The following MYH11 variants were observed in gnomAD, a reference collection of about 807,000 sequenced individuals.
The protein encoded by MYH11 is myosin heavy chain 11.
In MYH11, 80 loss-of-function variants were observed where a neutral mutation model predicts 246.6. The observed-to-expected ratio is 0.32, with a 90% CI of 0.27 to 0.39. The LOEUF is 0.39. Ranked by LOEUF, MYH11 falls within the 10% of genes least tolerant of loss-of-function variation. The pLI is 1.00. For synonymous variants in MYH11, 1,071 were observed against 1,015.5 expected (o/e 1.05, Z -1.04); for missense variants, 2,158 against 2,546.8 (o/e 0.85, Z 3.29).
Position 15,763,837 on chromosome 16 carries a change from T to C in MYH11, c.1088A>G (p.Lys363Arg). 6.2e-7 allele frequency: 1 copy of C among 1,602,326 alleles called. No individual in the cohort carries two copies. The highest frequency in any genetic ancestry group is 1.1e-5 in the South Asian group (1 of 90,696). The change falls in exon 10 of 41, where the codon AAG (lysine) becomes AGG (arginine). Residue 363 changes from lysine to arginine, a missense_variant. Physicochemically the swap from Lys to Arg is conservative, Grantham distance 26. Around this residue, in one of 11 missense-constraint regions of MYH11, gnomAD observed 317 missense variants for 507.7 expected, o/e 0.62. Coordinates refer to ENST00000300036, the MANE Select transcript of MYH11 (RefSeq NM_002474.3). ...VLQLGNIVFK[K>R]ERNTDQASMP... ...GGACGCCTGGTCTGTGTTTCTTTCCTTCTTGAAGACGATATTTCCAAGCTG... is the reference window on the plus strand; with the variant it reads ...GGACGCCTGGTCTGTGTTTCTTTCCCTCTTGAAGACGATATTTCCAAGCTG...
chr16:15,718,340 T>C lies in MYH11; in HGVS notation c.5270A>G (p.Asp1757Gly). The C allele has an allele frequency of 6.2e-7, 1 of 1,609,162 alleles. No individual in the cohort carries two copies. Among genetic ancestry groups the C allele is most frequent in the Non-Finnish European group, 8.5e-7 (1 of 1,179,940 alleles). ...EEQGNMEAMS[D>G]RVRKATQQAE... Reference sequence around the variant, plus strand: ...CTGCTGTGTGGCTTTGCGGACCCGGTCGCTCATGGCCTCCATGTTGCCCTG... The same window carrying C: ...CTGCTGTGTGGCTTTGCGGACCCGGCCGCTCATGGCCTCCATGTTGCCCTG... Residue 1757 changes from aspartate to glycine, a missense_variant, in exon 37 of 41, where the codon GAC (aspartate) becomes GGC (glycine). Coordinates refer to ENST00000300036, the MANE Select transcript of MYH11 (RefSeq NM_002474.3).
intron 3 of MYH11, among the ~76,000 whole-genome samples, chr16:15,804,775 T>A (rs1308847139): frequency 6.6e-6 from 1 of 152,238 alleles, no homozygotes; most frequent in East Asian, 1.9e-4. Flanking sequence ...CGGCCTTTCA[T>A]GTCTGACTTC....
In MYH11 at chr16:15,745,068, C is replaced by T. The variant is rs971404495; in HGVS notation, c.2520+61G>A. ...CCACCTCCTGTCCCAAATGTGAAGG[C>T]TCCAGAGTGAAGAAGCAGGGCTGGG... is the stretch of plus-strand genomic sequence containing the variant. On this transcript the variant is annotated intron_variant, in intron 20 of 40. Coordinates refer to ENST00000300036, the MANE Select transcript of MYH11 (RefSeq NM_002474.3). The T allele has an allele frequency of 7.0e-6, 9 of 1,282,180 alleles. 1 individual carries two copies. In the African/African-American group the frequency reaches 7.2e-5, roughly 10 times the overall value. The allele number at this position is 1,282,180 out of a possible 1,614,324, so 79.4% of individuals were successfully genotyped here.
At chr16:15,728,098 G>A (rs753443117) in intron 27 of MYH11, among the ~76,000 whole-genome samples, 12 of 151,974 alleles carry the variant, frequency 7.9e-5, no homozygotes, top group Non-Finnish European at 1.0e-4. Context: ...GCATGGTGGC[G>A]CACGCCTGTA....
chr16:15,766,384 TGTGTGA>T (rs201872364), intron 9 of MYH11, among the ~76,000 whole-genome samples: 15,072 of 134,912 alleles, frequency 0.11, 977 homozygotes, highest in Non-Finnish European at 0.15. Context: ...TGTGTGTGTG[TGTGTGA>T]GACTGAGTCT....
At chr16:15,764,524 A>T (rs2041939391) in intron 9 of MYH11, among the ~76,000 whole-genome samples, 1 of 152,136 alleles carries the variant, frequency 6.6e-6, no homozygotes, top group Non-Finnish European at 1.5e-5. Context: ...CAAATACCGA[A>T]CAAAAGAGGA....
intron 10 of MYH11, among the ~76,000 whole-genome samples, chr16:15,761,287 T>C (rs2151279514): frequency 6.6e-6 from 1 of 152,150 alleles, no homozygotes; most frequent in Non-Finnish European, 1.5e-5. Context: ...ATTTCTTTTG[T>C]ATTTTAGTTG....
At chr16:15,834,252 C>T (rs1019193345) in intron 2 of MYH11, among the ~76,000 whole-genome samples, 4 of 152,058 alleles carry the variant, frequency 2.6e-5, no homozygotes, top group African/African-American at 9.6e-5. Flanking sequence ...ACTGGCTGGG[C>T]GTGGTGGTTC....
At chr16:15,738,763 T>C (rs2041194295) in intron 23 of MYH11, 75 bp from the exon 24 acceptor site, 3 of 1,539,020 alleles carry the variant, frequency 1.9e-6, no homozygotes, top group Non-Finnish European at 1.8e-6. Context: ...TTTTAGTGAT[T>C]TCCATGTAAA....
At chr16:15,850,073 T>C (rs2044291287) in intron 1 of MYH11, among the ~76,000 whole-genome samples, 1 of 152,234 alleles carries the variant, frequency 6.6e-6, no homozygotes, top group Non-Finnish European at 1.5e-5. Flanking sequence ...TCTTGCCCTC[T>C]CTGCTTCAGC....
chr16:15,796,905 G>A (rs568110488), intron 4 of MYH11, among the ~76,000 whole-genome samples: 1 of 152,286 alleles, frequency 6.6e-6, no homozygotes, highest in African/African-American at 2.4e-5. Flanking sequence ...TAGCTAGGTA[G>A]CATTATATCT....
rs998360802 is a variant in MYH11, at chr16:15,773,850, A to G, written c.890-2138T>C. On this transcript the variant is annotated intron_variant, in intron 8 of 40. Coordinates refer to ENST00000300036, the MANE Select transcript of MYH11 (RefSeq NM_002474.3). ...ACTCCCTTTTTATGACATTAATTAG[A>G]TATTCTGTGTCAAACTGTATCCTAT... is the stretch of plus-strand genomic sequence containing the variant. Among the ~76,000 whole-genome samples the G allele has an allele frequency of 2.6e-5, 4 of 152,198 alleles. No homozygotes were observed. In the East Asian group the frequency reaches 7.7e-4, roughly 29 times the overall value.
Position 15,715,054 on chromosome 16 carries a change from G to T in MYH11, c.5641C>A (p.Gln1881Lys), listed in dbSNP as rs745941067. The part of the protein sequence containing the change: ...QAEKGNARVK[Q>K]LKRQLEEAEE... ...GCCTCCTCCAGCTGCCTCTTGAGCTGCTTGACCCTGGCATTGCCTTTCTCT... is the reference window on the plus strand; with the variant it reads ...GCCTCCTCCAGCTGCCTCTTGAGCTTCTTGACCCTGGCATTGCCTTTCTCT... Residue 1881 changes from glutamine to lysine, a missense_variant, in exon 40 of 41, where the codon CAG becomes AAG. By Grantham distance (53) the Gln-to-Lys change is moderately conservative (BLOSUM62 1). Coordinates refer to ENST00000300036, the MANE Select transcript of MYH11 (RefSeq NM_002474.3). The T allele has an allele frequency of 5.6e-6, 9 of 1,613,362 alleles. No homozygotes were observed. Among genetic ancestry groups the T allele is most frequent in the Non-Finnish European group, 7.6e-6 (9 of 1,180,026 alleles).
At chr16:15,834,062 T>C (rs1420623002) in intron 2 of MYH11, among the ~76,000 whole-genome samples, 1 of 152,168 alleles carries the variant, frequency 6.6e-6, no homozygotes, top group Admixed American at 6.5e-5. Context: ...TCTCAGGACC[T>C]TCATATGCCC....
chr16:15,719,344 G>T (rs752828099), intron 35 of MYH11, 36 bp from the exon 36 acceptor site: 1 of 1,600,702 alleles, frequency 6.2e-7, no homozygotes, highest in South Asian at 1.1e-5. Context: ...GTCTGCCAGG[G>T]AAAGGCCAAG....
At chr16:15,771,852 T>A in intron 8 of MYH11, 140 bp from the exon 9 acceptor site, 1 of 1,096,522 alleles carries the variant, frequency 9.1e-7, no homozygotes, top group East Asian at 2.6e-5. Context: ...CCCTCACGCA[T>A]CGTCACGTAG....
In MYH11 at chr16:15,714,582, G is replaced by A. The variant is rs143099185; in HGVS notation, c.5786+327C>T. 15 of 479,032 alleles carry A rather than the reference G, an allele frequency of 3.1e-5. 1 individual carries two copies. The highest frequency in any genetic ancestry group is 2.0e-4 in the Admixed American group (6 of 29,334). 29.7% of individuals were successfully genotyped at this position (479,032 alleles called of 1,614,324 possible). ...TGGTGTTGCAGCTTCAATGGATGTC[G>A]TGAAGACTCAGTGATGCAATGAAGG... On this transcript the variant is annotated intron_variant, in intron 40 of 40. Coordinates refer to ENST00000300036, the MANE Select transcript of MYH11 (RefSeq NM_002474.3).
At chr16:15,755,192 GA>G (rs2041678516) in intron 14 of MYH11, among the ~76,000 whole-genome samples, 1 of 152,194 alleles carries the variant, frequency 6.6e-6, no homozygotes, top group South Asian at 2.1e-4. Flanking sequence ...GGAGTCAATA[GA>G]ATACTACAAT....
rs753575083 is a variant in MYH11, at chr16:15,724,704, G to T, written c.4059C>A (p.Asp1353Glu). Residue 1353 changes from aspartate (D) to glutamate (E), a missense_variant, in exon 30 of 41, where the codon GAC becomes GAA. Coordinates refer to ENST00000300036, the MANE Select transcript of MYH11 (RefSeq NM_002474.3). ...GGTTCTGCTTGGCCTCCATCTCCTC[G>T]TCCAGCTGGTCTTGCAGGCTGTTCC... ...EERNSLQDQL[D>E]EEMEAKQNLE... 17 of 1,614,192 alleles carry T rather than the reference G, an allele frequency of 1.1e-5. No individual in the cohort carries two copies. The highest frequency in any genetic ancestry group is 1.4e-5 in the Non-Finnish European group (17 of 1,180,026).
Sources: gnomAD v4.1 joint callset for allele counts (sites outside exome capture counted in the v4.1 genomes callset) on GRCh38, gnomAD v4.1.1 for gene constraint, gnomAD v4.1.1 regional missense constraint, MANE v1.5 for transcripts, NCBI Gene and HGNC (gene_info 2026-07-23, HGNC 2026-07-21) for gene names.